Variants in C10orf90 observed in about 807,000 individuals in gnomAD.
C10orf90 encodes (E2-independent) E3 ubiquitin-conjugating enzyme FATS.
C10orf90 carries 56 observed loss-of-function variants against 62.5 expected under a neutral mutation model. The observed-to-expected ratio is 0.90, with a 90% confidence interval of 0.72 to 1.12. C10orf90 has a LOEUF of 1.12. Ranked by LOEUF, C10orf90 falls within the 50% of genes most tolerant of loss-of-function variation. C10orf90 has a pLI of 0.00. For missense variants in C10orf90, 970 were observed against 880.4 expected (o/e 1.10, Z -1.29); for synonymous variants, 386 against 340.4 (o/e 1.13, Z -1.47).
intron 1 of C10orf90, among the ~76,000 whole-genome samples, chr10:126,657,591 A>G (rs7906913): frequency 0.21 from 32,103 of 151,218 alleles, 3,518 homozygotes; most frequent in Middle Eastern, 0.28. Context: ...ACCATCTTGA[A>G]AATTTTAATA....
chr10:126,565,022 TATATATTATATAAAATATATAATATATA>T (rs1844299905), intron 2 of C10orf90, among the ~76,000 whole-genome samples: 8 of 14,810 alleles, frequency 5.4e-4, no homozygotes, highest in Non-Finnish European at 8.5e-4. Context: ...TAATATATAT[TATATATTATATAAAATATATAATATATA>T]ATATATAAAA....
At chr10:126,642,353 A>T (rs1361657452) in intron 2 of C10orf90, among the ~76,000 whole-genome samples, 4 of 152,116 alleles carry the variant, frequency 2.6e-5, no homozygotes, top group Non-Finnish European at 5.9e-5. Context: ...TAACATGGTG[A>T]AACCCCGTCT....
intron 4 of C10orf90, chr10:126,502,555 A>C (rs1237346399): frequency 1.6e-5 from 3 of 189,602 alleles, no homozygotes; most frequent in African/African-American, 7.1e-5. Context: ...CTCCTCTGAG[A>C]TGAGTGTATG....
Position 126,630,957 on chromosome 10 carries a change from A to G in C10orf90, c.313+15608T>C, listed in dbSNP as rs188753128. On this transcript the variant is annotated intron_variant, in intron 2 of 9. Transcript: ENST00000488181. Reference sequence around the variant, plus strand: ...TTCACTCCTGCCCTCCTTCATTCATACCGTCAAGGGAGATTCCGCGTGGAG... The same window carrying G: ...TTCACTCCTGCCCTCCTTCATTCATGCCGTCAAGGGAGATTCCGCGTGGAG... 5.4e-3 allele frequency among the ~76,000 whole-genome samples: 826 copies of G among 152,200 alleles called. 11 individuals are homozygous for G. Among genetic ancestry groups the G allele is most frequent in the Non-Finnish European group, 6.2e-3 (421 of 68,002 alleles).
chr10:126,473,668 T>TA (rs1860707497), intron 4 of C10orf90, among the ~76,000 whole-genome samples: 1 of 152,082 alleles, frequency 6.6e-6, no homozygotes, highest in African/African-American at 2.4e-5. Flanking sequence ...TTACAATAGA[T>TA]ACGCTCTTAC....
intron 7 of C10orf90, among the ~76,000 whole-genome samples, chr10:126,432,907 C>T (rs1857674419): frequency 6.6e-6 from 1 of 152,292 alleles, no homozygotes; most frequent in African/African-American, 2.4e-5. Context: ...TAAGGAGTTG[C>T]CTTCAGAGTA....
intron 1 of C10orf90, among the ~76,000 whole-genome samples, chr10:126,662,953 T>C (rs1406432316): frequency 6.6e-6 from 1 of 152,202 alleles, no homozygotes; most frequent in Non-Finnish European, 1.5e-5. Flanking sequence ...GCCTCCTTGA[T>C]CAGATGATAA....
intron 1 of C10orf90, 95 bp downstream of exon 1, chr10:126,670,146 G>A: frequency 2.6e-6 from 1 of 381,906 alleles, no homozygotes; most frequent in Non-Finnish European, 5.2e-6. Context: ...TAATTTATTA[G>A]ACCAGATAAA....
intron 4 of C10orf90, among the ~76,000 whole-genome samples, chr10:126,490,019 A>AT (rs1389355829): frequency 6.9e-5 from 4 of 57,620 alleles, no homozygotes; most frequent in East Asian, 5.6e-4. Context: ...TATATTATAT[A>AT]TAATATATAA....
chr10:126,669,965 C>A (rs1805785490), intron 1 of C10orf90, among the ~76,000 whole-genome samples: 1 of 152,162 alleles, frequency 6.6e-6, no homozygotes, highest in South Asian at 2.1e-4. Flanking sequence ...AATTACCCAA[C>A]TCAGTAGTCT....
intron 2 of C10orf90, among the ~76,000 whole-genome samples, chr10:126,559,000 C>T (rs12220987): frequency 0.37 from 57,070 of 152,200 alleles, 11,132 homozygotes; most frequent in Non-Finnish European, 0.42. Context: ...GTACCCTGAA[C>T]GTGGCTTTCC....
chr10:126,504,635 G>T lies in C10orf90; in HGVS notation c.856C>A (p.His286Asn). The T allele has an allele frequency of 6.2e-7, 1 of 1,614,228 alleles. No homozygotes were observed. The highest frequency in any genetic ancestry group is 8.5e-7 in the Non-Finnish European group (1 of 1,180,042). The change falls in exon 4 of 10, where the codon CAT becomes AAT. Residue 286 changes from histidine to asparagine, a missense_variant. By Grantham distance (68) the His-to-Asn change is moderately conservative (BLOSUM62 1). Coordinates refer to ENST00000488181, the MANE Select transcript of C10orf90 (RefSeq NM_001350921.2). This position sits in a 1 kb window ranked among gnomAD's most constrained non-coding sequence, Gnocchi z 4.1. ...TCTGTGCAGGCAAAAGATCTCTGAT[G>T]CCGACCTGGATGGGCGCCATTGGCC... Reference protein sequence around the residue: ...ALANGAHPGRHQRSFACTEFS... With the variant: ...ALANGAHPGRNQRSFACTEFS...
At position 126,459,077 on chromosome 10, in the gene C10orf90, G is replaced by A; in HGVS notation, c.2151C>T (p.Thr717=). 1.9e-6 allele frequency: 3 copies of A among 1,613,758 alleles called. No individual in the cohort carries two copies. Among genetic ancestry groups the A allele is most frequent in the South Asian group, 2.2e-5 (2 of 91,066 alleles). Residue 717 remains threonine (T), a synonymous_variant, in exon 7 of 10, where the codon ACC becomes ACT. Coordinates refer to ENST00000488181, the MANE Select transcript of C10orf90 (RefSeq NM_001350921.2). ...RQKQSLLPIR[T]SKKQFTIPHP... ...GGGGAATCGTGAACTGCTTCTTGCT[G>A]GTGCGGATGGGAAGGAGGCTCTGCT...
chr10:126,632,962 C>G (rs1035218129), intron 2 of C10orf90, among the ~76,000 whole-genome samples: 1 of 152,130 alleles, frequency 6.6e-6, no homozygotes, highest in Non-Finnish European at 1.5e-5. Context: ...GCTTGTTGTT[C>G]CATAAGCCAC....
At chr10:126,543,858 C>A (rs1304236875) in intron 2 of C10orf90, among the ~76,000 whole-genome samples, 1 of 152,162 alleles carries the variant, frequency 6.6e-6, no homozygotes, top group Non-Finnish European at 1.5e-5. Context: ...ATGTGACCTC[C>A]CCTGAAAGCC....
At chr10:126,650,932 C>A (rs976941576) in intron 1 of C10orf90, among the ~76,000 whole-genome samples, 7 of 152,170 alleles carry the variant, frequency 4.6e-5, no homozygotes, top group Non-Finnish European at 7.3e-5. Flanking sequence ...GCCAGACCCA[C>A]CCTGCAGAAA....
At chr10:126,515,841 G>A (rs954509625) in intron 2 of C10orf90, among the ~76,000 whole-genome samples, 4 of 152,212 alleles carry the variant, frequency 2.6e-5, no homozygotes, top group East Asian at 1.9e-4. Flanking sequence ...GACAGTGAGC[G>A]CCATCAGCTC....
At chr10:126,442,682 A>G (rs889820052) in intron 7 of C10orf90, among the ~76,000 whole-genome samples, 1 of 116,366 alleles carries the variant, frequency 8.6e-6, no homozygotes, top group Non-Finnish European at 1.7e-5. Context: ...TATATAGAAC[A>G]TTTCATCCAA....
chr10:126,603,753 C>G (rs556442896), intron 2 of C10orf90, among the ~76,000 whole-genome samples: 1 of 152,286 alleles, frequency 6.6e-6, no homozygotes, highest in Admixed American at 6.5e-5. Flanking sequence ...TAGGGAACCT[C>G]TGTCTATGAA....
Sources: allele counts gnomAD v4.1 joint callset (sites outside exome capture counted in the v4.1 genomes callset), GRCh38; gene constraint gnomAD v4.1.1; non-coding constraint Gnocchi (gnomAD v3.1); transcripts MANE v1.5; gene names NCBI Gene and HGNC (gene_info 2026-07-23, HGNC 2026-07-21).